Variants in UBR1 observed in about 807,000 individuals in gnomAD.
The protein encoded by UBR1 is ubiquitin protein ligase E3 component n-recognin 1.
In UBR1, 102 loss-of-function variants were observed where a neutral mutation model predicts 242.1. The observed-to-expected ratio is 0.42, with a 90% CI of 0.36 to 0.50. UBR1 has a LOEUF of 0.50. Ranked by LOEUF, UBR1 falls within the 20% of genes least tolerant of loss-of-function variation. The pLI is 0.01. For missense variants in UBR1, 1,772 were observed against 2,101.8 expected (o/e 0.84, Z 3.07); for synonymous variants, 675 against 684.8 (o/e 0.99, Z 0.22).
intron 37 of UBR1, among the ~76,000 whole-genome samples, chr15:42,982,787 A>T (rs1447534402): frequency 6.6e-6 from 1 of 152,340 alleles, no homozygotes; most frequent in East Asian, 1.9e-4. Flanking sequence ...CCTGGATTTA[A>T]AGCGTAAAAA....
chr15:43,021,730 TAGATATGGAACCCAC>T (rs1418830159), intron 26 of UBR1, among the ~76,000 whole-genome samples: 1 of 152,210 alleles, frequency 6.6e-6, no homozygotes, highest in African/African-American at 2.4e-5. Flanking sequence ...GATGAATCCC[TAGATATGGAACCCAC>T]AGATATGGAG....
chr15:43,058,099 G>T (rs531825402), intron 10 of UBR1, among the ~76,000 whole-genome samples: 1 of 151,838 alleles, frequency 6.6e-6, no homozygotes, highest in Non-Finnish European at 1.5e-5. Flanking sequence ...TAGTAGAGAC[G>T]GGGTTTCACC....
At chr15:42,956,431 C>T (rs908476007) in intron 44 of UBR1, among the ~76,000 whole-genome samples, 9 of 152,172 alleles carry the variant, frequency 5.9e-5, no homozygotes, top group African/African-American at 1.4e-4. Context: ...GTGATTCTCA[C>T]GCCTCAGCCT....
intron 33 of UBR1, among the ~76,000 whole-genome samples, chr15:42,995,176 C>A (rs974504966): frequency 4.6e-5 from 7 of 151,786 alleles, no homozygotes; most frequent in Non-Finnish European, 1.0e-4. Flanking sequence ...CATTTAGAGG[C>A]CAAAATAACA....
Position 42,945,377 on chromosome 15 carries a change from G to A in UBR1, c.5202C>T (p.Ser1734=). Residue 1734 remains serine, a synonymous_variant, in exon 47 of 47, where the codon AGC becomes AGT. Coordinates refer to ENST00000290650, the MANE Select transcript of UBR1 (RefSeq NM_174916.3). ...QHCIIEEIAR[S]QETNQMLFGF... Reference sequence around the variant, plus strand: ...CAAATAACATCTGATTAGTCTCTTGGCTCCTAGCAATCTCTTCTATAATGC... The same window carrying A: ...CAAATAACATCTGATTAGTCTCTTGACTCCTAGCAATCTCTTCTATAATGC... 2 of 1,614,052 alleles carry A rather than the reference G, an allele frequency of 1.2e-6. No individual in the cohort carries two copies. Among genetic ancestry groups the A allele is most frequent in the East Asian group, 2.2e-5 (1 of 44,878 alleles).
intron 6 of UBR1, among the ~76,000 whole-genome samples, chr15:43,065,864 G>A (rs1240616612): frequency 6.6e-6 from 1 of 152,078 alleles, no homozygotes; most frequent in Non-Finnish European, 1.5e-5. Flanking sequence ...TGTAGACTGG[G>A]TACTAAACCT....
intron 15 of UBR1, among the ~76,000 whole-genome samples, chr15:43,042,916 AC>A (rs1225998284): frequency 1.3e-5 from 2 of 152,166 alleles, no homozygotes; most frequent in Non-Finnish European, 2.9e-5. Flanking sequence ...GAAACCAGCA[AC>A]CAGATTTTAT....
Position 42,943,563 on chromosome 15 carries a change from ATTAAG to A in UBR1, c.*1761_*1765del, listed in dbSNP as rs1000859119. ...TCTTGAGAGCCTAACTCCAGAATTT[ATTAAG>A]TTAATATAAAAAGGACTAAAAATAA... On this transcript the variant is annotated 3_prime_UTR_variant, in exon 47 of 47. Transcript: ENST00000290650. 4.6e-5 allele frequency: 7 copies of A among 152,288 alleles called. No individual in the cohort carries two copies. The highest frequency in any genetic ancestry group is 1.7e-4 in the African/African-American group (7 of 41,342). The allele number at this position is 152,288 out of a possible 1,614,324, so 9.4% of individuals were successfully genotyped here.
At chr15:43,010,233 T>C (rs1388327415) in intron 29 of UBR1, among the ~76,000 whole-genome samples, 2 of 151,770 alleles carry the variant, frequency 1.3e-5, no homozygotes, top group African/African-American at 2.4e-5. Context: ...AGGAGGCATC[T>C]AGCAATAAAT....
chr15:43,004,964 G>T (rs1449264096), intron 30 of UBR1, among the ~76,000 whole-genome samples: 1 of 151,268 alleles, frequency 6.6e-6, no homozygotes. Context: ...CATCGTCTGA[G>T]ATGTGGGGAG....
chr15:42,973,885 G>GTTTTTTTT (rs1174730906), intron 39 of UBR1, among the ~76,000 whole-genome samples: 1 of 120,258 alleles, frequency 8.3e-6, no homozygotes, highest in African/African-American at 3.2e-5. Flanking sequence ...ACTTGTAGGA[G>GTTTTTTTT]TTTTTTTTTT....
chr15:43,043,091 C>A (rs929598159), intron 15 of UBR1, 124 bp downstream of exon 15: 9 of 1,025,926 alleles, frequency 8.8e-6, no homozygotes, highest in Non-Finnish European at 1.5e-6. Context: ...CCCTTAACTG[C>A]AGTATCTGAC....
chr15:43,096,540 G>A (rs1754581112), intron 1 of UBR1, among the ~76,000 whole-genome samples: 1 of 152,228 alleles, frequency 6.6e-6, no homozygotes, highest in African/African-American at 2.4e-5. Context: ...TCTGTAGCAT[G>A]TGATAGCATG....
intron 1 of UBR1, among the ~76,000 whole-genome samples, chr15:43,090,507 T>C (rs1169685254): frequency 1.3e-5 from 2 of 152,074 alleles, no homozygotes; most frequent in African/African-American, 4.8e-5. Context: ...GGGGTACTCA[T>C]ACACAAACAA....
chr15:43,002,645 A>C lies in UBR1; in HGVS notation c.3569T>G (p.Leu1190Trp). 6.2e-7 allele frequency: 1 copy of C among 1,614,190 alleles called. No homozygotes were observed. The highest frequency in any genetic ancestry group is 8.5e-7 in the Non-Finnish European group (1 of 1,180,048). The change falls in exon 32 of 47, where the codon TTG becomes TGG. Residue 1190 changes from leucine (L) to tryptophan (W), a missense_variant. Physicochemically the swap from Leu to Trp is moderately conservative, Grantham distance 61. Around this residue, in one of 3 missense-constraint regions of UBR1, gnomAD observed 965 missense variants for 1,079.7 expected, o/e 0.89. Coordinates refer to ENST00000290650, the MANE Select transcript of UBR1 (RefSeq NM_174916.3). The stretch of plus-strand genomic sequence containing the variant: ...AGGGCAAAGATATTCTCCACTTTCC[A>C]AGTCAAAAAGGTCAACATGAATGCG... ...QQRIHVDLFD[L>W]ESGEYLCPLC...
chr15:42,992,618 G>A (rs2032573362), intron 33 of UBR1, among the ~76,000 whole-genome samples: 1 of 152,166 alleles, frequency 6.6e-6, no homozygotes, highest in African/African-American at 2.4e-5. Flanking sequence ...ATGCCTCTTT[G>A]AGCCTATTCT....
intron 6 of UBR1, among the ~76,000 whole-genome samples, chr15:43,062,340 T>A (rs891122649): frequency 6.6e-6 from 1 of 152,134 alleles, no homozygotes; most frequent in African/African-American, 2.4e-5. Flanking sequence ...TGTGTATATA[T>A]ATATACAAAC....
chr15:43,064,043 G>A (rs2033722461), intron 6 of UBR1, among the ~76,000 whole-genome samples: 1 of 152,176 alleles, frequency 6.6e-6, no homozygotes, highest in African/African-American at 2.4e-5. Context: ...GCATTTGAAT[G>A]CCTGTTTCTC....
At position 43,074,993 on chromosome 15, in the gene UBR1, C is replaced by T; in HGVS notation, c.514G>A (p.Gly172Ser). 6.2e-7 allele frequency: 1 copy of T among 1,613,508 alleles called. No individual in the cohort carries two copies. The highest frequency in any genetic ancestry group is 8.5e-7 in the Non-Finnish European group (1 of 1,179,484). Reference protein sequence around the residue: ...FCVNHEPGRAGTIKENSRCPL... With the variant: ...FCVNHEPGRASTIKENSRCPL... ...AGCATTCTTACCTCTTTTATAGTAC[C>T]TGCTCTTCCAGGTTCATGATTTACA... is the stretch of plus-strand genomic sequence containing the variant. The change falls in exon 4 of 47, where the codon GGT becomes AGT. Residue 172 changes from glycine to serine, a missense_variant. Gly to Ser is a moderately conservative substitution (Grantham distance 56). Coordinates refer to ENST00000290650, the MANE Select transcript of UBR1 (RefSeq NM_174916.3).
Sources: allele counts gnomAD v4.1 joint callset (sites outside exome capture counted in the v4.1 genomes callset), GRCh38; gene constraint gnomAD v4.1.1; regional missense constraint gnomAD v4.1.1; transcripts MANE v1.5; gene names NCBI Gene and HGNC (gene_info 2026-07-23, HGNC 2026-07-21).